The following RGS22 variants were observed in gnomAD, a reference collection of about 807,000 sequenced individuals.
RGS22 encodes the protein regulator of G-protein signaling 22.
In RGS22, 148 loss-of-function variants were observed where a neutral mutation model predicts 172.9. The ratio of observed to expected loss-of-function variants is 0.86; its 90% CI spans 0.75 to 0.98. The LOEUF (loss-of-function observed/expected upper bound fraction) is 0.98, where lower values mean the gene tolerates loss of function less well. RGS22 is among the 50% of genes least tolerant of loss of function. The pLI is 0.00. For synonymous variants in RGS22, 458 were observed against 480.2 expected, an observed-to-expected ratio of 0.95 and a Z score of 0.60; for missense variants, 1,347 against 1,440.8, an observed-to-expected ratio of 0.93 and a Z score of 1.05.
intron 9 of RGS22, among the ~76,000 whole-genome samples, chr8:100,056,912 C>T (rs901615707): frequency 5.3e-5 from 8 of 152,164 alleles, no homozygotes; most frequent in African/African-American, 1.2e-4. Context: ...CTCCAGACCC[C>T]GGAATGGTAG....
chr8:100,005,174 A>T (rs1000644202), intron 16 of RGS22, among the ~76,000 whole-genome samples: 1 of 152,060 alleles, frequency 6.6e-6, no homozygotes, highest in African/African-American at 2.4e-5. Context: ...TATCAAATAG[A>T]GAACTTCTGG....
At chr8:100,104,758 A>C (rs1490076588) in intron 2 of RGS22, among the ~76,000 whole-genome samples, 1 of 152,232 alleles carries the variant, frequency 6.6e-6, no homozygotes. Flanking sequence ...GAGCTCTTGG[A>C]ATCAGACTCA....
Position 100,022,541 on chromosome 8 carries a change from A to G in RGS22, c.2167-13972T>C, listed in dbSNP as rs557385893. ...TGAAATAAAATAAACAAGCACACAG[A>G]AAAAAAAGTTATTACTATGCAGTTT... is the stretch of plus-strand genomic sequence containing the variant. On this transcript the variant is annotated intron_variant, in intron 14 of 27. Coordinates refer to ENST00000360863, the MANE Select transcript of RGS22 (RefSeq NM_015668.5). Among the ~76,000 whole-genome samples the G allele has an allele frequency of 1.1e-4, 17 of 152,170 alleles. No homozygotes were observed. In the East Asian group the frequency reaches 3.3e-3, roughly 29 times the overall value.
At chr8:100,008,718 C>T in intron 14 of RGS22, 149 bp from the exon 15 acceptor site, 2 of 579,268 alleles carry the variant, frequency 3.5e-6, no homozygotes, top group Non-Finnish European at 6.0e-6. Flanking sequence ...AACTACTTAA[C>T]ACGAAGCAAT....
At chr8:100,105,772 C>CT in intron 1 of RGS22, 125 bp downstream of exon 1, 2 of 860,424 alleles carry the variant, frequency 2.3e-6, no homozygotes, top group Admixed American at 3.4e-5. Context: ...CAGTGAAGCC[C>CT]TTTTTTCTCA....
chr8:99,962,875 C>A lies in RGS22; in HGVS notation c.3709+10G>T. ...AAAAAGTAAACTTGTAGGCAGAAGG[C>A]AAAAATTACCTGCAAACAACTTTTT... On this transcript the variant is annotated intron_variant, in intron 25 of 27. Transcript: ENST00000360863. 1 of 1,588,728 alleles carries A rather than the reference C, an allele frequency of 6.3e-7. No homozygotes were observed. The highest frequency in any genetic ancestry group is 1.9e-5 in the Admixed American group (1 of 51,908).
intron 3 of RGS22, among the ~76,000 whole-genome samples, chr8:100,081,362 G>A (rs369021026): frequency 7.0e-6 from 1 of 143,492 alleles, no homozygotes; most frequent in African/African-American, 2.5e-5. Flanking sequence ...GTGCGTGTAT[G>A]TATATATATA....
chr8:99,999,860 G>A (rs1401043487), intron 18 of RGS22, among the ~76,000 whole-genome samples: 1 of 152,080 alleles, frequency 6.6e-6, no homozygotes, highest in Admixed American at 6.6e-5. Context: ...TTAATTAAAC[G>A]ACAACCTTGA....
At chr8:100,045,338 T>G (rs1276150258) in intron 11 of RGS22, among the ~76,000 whole-genome samples, 1 of 152,128 alleles carries the variant, frequency 6.6e-6, no homozygotes, top group Admixed American at 6.6e-5. Flanking sequence ...ACACATACTA[T>G]GTGCCAGATA....
In RGS22 at chr8:100,080,140, A is replaced by G; in HGVS notation, c.333T>C (p.Asn111=). The change falls in exon 4 of 28, where the codon AAT becomes AAC. Residue 111 remains asparagine (N), a synonymous_variant. Transcript: ENST00000360863. ...AAACAGTATACTTTCTTACCATAAT[A>G]TTGTAGTTGACATTAATGGTCTCAT... ...DEDETINVNY[N]IMCLSREEGI... 1.3e-6 allele frequency: 2 copies of G among 1,587,262 alleles called. No individual in the cohort carries two copies. The highest frequency in any genetic ancestry group is 2.2e-5 in the South Asian group (2 of 89,822).
At chr8:100,105,841 T>A in intron 1 of RGS22, 56 bp downstream of exon 1, 2 of 1,425,198 alleles carry the variant, frequency 1.4e-6, no homozygotes, top group Admixed American at 4.8e-5. Context: ...GGCTGGCGCG[T>A]GGTGCGGCCC....
intron 12 of RGS22, among the ~76,000 whole-genome samples, chr8:100,041,133 C>A (rs943054332): frequency 7.2e-5 from 11 of 152,176 alleles, no homozygotes; most frequent in African/African-American, 2.2e-4. Context: ...TCATTTAGAA[C>A]TAGTGCATTA....
rs757599481 is a variant in RGS22, at chr8:100,105,397, G to A, written c.31C>T (p.Pro11Ser). MPEKRLTAEPPTITEEEFEDS... is the reference protein window; with the variant it reads MPEKRLTAEPSTITEEEFEDS... ...ACAAATTCTTCTTCTGTAATAGTTGGTGGCTCTGAAACAAGACAAAATATT... is the reference window on the plus strand; with the variant it reads ...ACAAATTCTTCTTCTGTAATAGTTGATGGCTCTGAAACAAGACAAAATATT... The change falls in exon 2 of 28, where the codon CCA becomes TCA. Residue 11 changes from proline to serine, a missense_variant. Transcript: ENST00000360863. 6 of 1,609,504 alleles carry A rather than the reference G, an allele frequency of 3.7e-6. No homozygotes were observed. Among genetic ancestry groups the A allele is most frequent in the Non-Finnish European group, 5.1e-6 (6 of 1,176,288 alleles).
Position 100,043,363 on chromosome 8 carries a change from A to G in RGS22, c.1824-1447T>C, listed in dbSNP as rs111573339. On this transcript the variant is annotated intron_variant, in intron 11 of 27. Coordinates refer to ENST00000360863, the MANE Select transcript of RGS22 (RefSeq NM_015668.5). ...TATGAAGACCTTTGTTTTTTCTCAT[A>G]TATCTTCAGCTTCTCCATTTCCTCT... 6.0e-3 allele frequency among the ~76,000 whole-genome samples: 910 copies of G among 152,254 alleles called. 9 individuals are homozygous for G. The highest frequency in any genetic ancestry group is 0.02 in the African/African-American group (835 of 41,550).
intron 11 of RGS22, among the ~76,000 whole-genome samples, chr8:100,044,939 C>T (rs749045087): frequency 5.3e-5 from 8 of 152,106 alleles, no homozygotes; most frequent in Non-Finnish European, 7.4e-5. Context: ...TGTCAACACA[C>T]AAAAAATTCG....
At chr8:100,057,453 T>G (rs1384743944) in intron 9 of RGS22, among the ~76,000 whole-genome samples, 1 of 152,182 alleles carries the variant, frequency 6.6e-6, no homozygotes, top group East Asian at 1.9e-4. Flanking sequence ...TTTGGCTTTG[T>G]GTCCCCACCC....
At chr8:100,037,134 T>A (rs1051433793) in intron 14 of RGS22, among the ~76,000 whole-genome samples, 4 of 152,028 alleles carry the variant, frequency 2.6e-5, no homozygotes, top group African/African-American at 9.7e-5. Flanking sequence ...CAATTGCTCC[T>A]GTAACCAAAA....
At chr8:100,058,163 A>G (rs1305980521) in intron 9 of RGS22, among the ~76,000 whole-genome samples, 1 of 107,948 alleles carries the variant, frequency 9.3e-6, no homozygotes, top group Non-Finnish European at 2.1e-5. Context: ...GAAAATACAC[A>G]GAGGAGACAA....
intron 21 of RGS22, among the ~76,000 whole-genome samples, chr8:99,985,520 C>A (rs1332055134): frequency 1.3e-5 from 2 of 152,196 alleles, no homozygotes; most frequent in Non-Finnish European, 2.9e-5. Flanking sequence ...GCATCAGAAT[C>A]AACATTATTT....
Sources: gnomAD v4.1 joint callset for allele counts (sites outside exome capture counted in the v4.1 genomes callset) on GRCh38, gnomAD v4.1.1 for gene constraint, MANE v1.5 for transcripts, NCBI Gene and HGNC (gene_info 2026-07-23, HGNC 2026-07-21) for gene names.